The following DNAAF1 variants were observed in gnomAD, a reference collection of about 807,000 sequenced individuals.
DNAAF1 encodes the protein dynein assembly factor 1, axonemal.
DNAAF1 carries 65 observed loss-of-function variants against 71.1 expected under a neutral mutation model. The ratio of observed to expected loss-of-function variants is 0.91; its 90% CI spans 0.75 to 1.12. The LOEUF (loss-of-function observed/expected upper bound fraction) is 1.12. Among genes scored for constraint, DNAAF1 ranks in the 50% most tolerant of loss-of-function variants. DNAAF1 has a pLI of 0.00. For missense variants in DNAAF1, 1,178 were observed against 899.8 expected (o/e 1.31, Z -3.96); for synonymous variants, 414 against 354.6 (o/e 1.17, Z -1.88).
intron 1 of DNAAF1, 132 bp from the exon 2 acceptor site, chr16:84,148,875 C>A (rs573742521): frequency 9.4e-6 from 10 of 1,058,484 alleles, no homozygotes; most frequent in Non-Finnish European, 9.9e-6. Flanking sequence ...CAGGCCTGAG[C>A]CACCATACCC....
At chr16:84,159,620 A>T in intron 5 of DNAAF1, 55 bp from the exon 6 acceptor site, 1 of 1,561,236 alleles carries the variant, frequency 6.4e-7, no homozygotes, top group Non-Finnish European at 8.7e-7. Context: ...GCACATATAA[A>T]ATAATTCAAT....
At position 84,159,673 on chromosome 16, in the gene DNAAF1, A is replaced by T; in HGVS notation, c.742-2A>T. 6.2e-7 allele frequency: 1 copy of T among 1,610,454 alleles called. No homozygotes were observed. Among genetic ancestry groups the T allele is most frequent in the Non-Finnish European group, 8.5e-7 (1 of 1,177,904 alleles). On this transcript the variant is annotated splice_acceptor_variant, in intron 5 of 11. Coordinates refer to ENST00000378553, the MANE Select transcript of DNAAF1 (RefSeq NM_178452.6). LOFTEE classifies it high-confidence loss of function. ...ATTTTGGTTCTGCTTGTCTTCTTGC[A>T]GCGTGTACTGAATTTGATGGGAAAC... is the stretch of plus-strand genomic sequence containing the variant.
At chr16:84,155,819 C>G (rs1039397601) in intron 5 of DNAAF1, 70 bp downstream of exon 5, 45 of 1,570,792 alleles carry the variant, frequency 2.9e-5, no homozygotes, top group South Asian at 5.7e-5. Context: ...CATCAAATAT[C>G]AAGTCCTTTT....
At chr16:84,157,223 T>G (rs533986891) in intron 5 of DNAAF1, among the ~76,000 whole-genome samples, 1 of 152,214 alleles carries the variant, frequency 6.6e-6, no homozygotes, top group South Asian at 2.1e-4. Flanking sequence ...ATTTTTCATG[T>G]TCAAATTTTC....
intron 6 of DNAAF1, among the ~76,000 whole-genome samples, chr16:84,164,426 C>T (rs1448646570): frequency 6.6e-6 from 1 of 152,206 alleles, no homozygotes; most frequent in African/African-American, 2.4e-5. Context: ...ATCCCTCCTA[C>T]CTCCTCAGCC....
chr16:84,155,857 C>T, intron 5 of DNAAF1, 108 bp downstream of exon 5: 1 of 1,377,586 alleles, frequency 7.3e-7, no homozygotes. Context: ...TGCCTTCCTT[C>T]CCTTTTTCAC....
intron 2 of DNAAF1, among the ~76,000 whole-genome samples, chr16:84,149,809 G>C (rs922236432): frequency 2.0e-5 from 3 of 151,582 alleles, no homozygotes; most frequent in African/African-American, 4.9e-5. Context: ...TGGATCACCT[G>C]ACGTCAGGAG....
At chr16:84,165,401 A>C (rs900413845) in intron 6 of DNAAF1, among the ~76,000 whole-genome samples, 1 of 151,974 alleles carries the variant, frequency 6.6e-6, no homozygotes, top group Non-Finnish European at 1.5e-5. Flanking sequence ...GCCCAGGCTG[A>C]TCTCGAACTC....
intron 11 of DNAAF1, chr16:84,176,674 G>C (rs998294873): frequency 2.8e-6 from 1 of 354,680 alleles, no homozygotes; most frequent in African/African-American, 2.1e-5. Flanking sequence ...GGCTTTTGGA[G>C]GGGACCACCA....
intron 11 of DNAAF1, chr16:84,176,721 C>A: frequency 3.4e-6 from 1 of 293,230 alleles, no homozygotes; most frequent in South Asian, 3.4e-5. Flanking sequence ...AGCGAGGTGA[C>A]AGCCACACAA....
In DNAAF1 at chr16:84,145,315, C is replaced by G. The variant is rs2151196759; in HGVS notation, c.-126C>G. The G allele has an allele frequency of 6.7e-7, 1 of 1,490,644 alleles. No individual in the cohort carries two copies. The highest frequency in any genetic ancestry group is 9.0e-7 in the Non-Finnish European group (1 of 1,107,614). The allele number at this position is 1,490,644 out of a possible 1,614,324, so 92.3% of individuals were successfully genotyped here. On this transcript the variant is annotated 5_prime_UTR_variant, in exon 1 of 12. Coordinates refer to ENST00000378553, the MANE Select transcript of DNAAF1 (RefSeq NM_178452.6). ...CCGGGGAAGCGTTGGGCTGTAAAGA[C>G]TAGGGCGCCAGCGGCTGGCGAAGAA...
intron 10 of DNAAF1, 132 bp downstream of exon 10, chr16:84,174,854 TTTTTCTTTTC>T (rs544231465): frequency 2.5e-6 from 3 of 1,211,042 alleles, no homozygotes; most frequent in South Asian, 1.3e-5. Flanking sequence ...CCCCATATTC[TTTTTCTTTTC>T]TTTTCTTTTC....
At position 84,155,714 on chromosome 16, in the gene DNAAF1, G is replaced by A. The variant is rs189730104; in HGVS notation, c.706G>A (p.Glu236Lys). The change falls in exon 5 of 12, where the codon GAG becomes AAG. Residue 236 changes from glutamate to lysine, a missense_variant. Coordinates refer to ENST00000378553, the MANE Select transcript of DNAAF1 (RefSeq NM_178452.6). ...TTCGCACAACAAGCTGAGTGACCCG[G>A]AGATCCTGAGCATTCTGGAAAGCAT... The part of the protein sequence containing the change: ...DLSHNKLSDP[E>K]ILSILESMPD... The A allele has an allele frequency of 3.7e-6, 6 of 1,614,098 alleles. No homozygotes were observed. The highest frequency in any genetic ancestry group is 1.3e-5 in the African/African-American group (1 of 75,012).
rs1555523655 is a variant in DNAAF1 at position 84,163,873 on chromosome 16, T to TGGGG, written c.864-1909_864-1908insGGGG. Reference sequence around the variant, plus strand: ...AAATTAATAGACTTTTTTTTTTTTTTGTGGGGGACAGCGTTTTGCTCTGTC... The same window carrying TGGGG: ...AAATTAATAGACTTTTTTTTTTTTTTGGGGGTGGGGGACAGCGTTTTGCTCTGTC... On this transcript the variant is annotated intron_variant, in intron 6 of 11. Coordinates refer to ENST00000378553, the MANE Select transcript of DNAAF1 (RefSeq NM_178452.6). 4.9e-3 allele frequency among the ~76,000 whole-genome samples: 737 copies of TGGGG among 149,442 alleles called. 12 individuals are homozygous for TGGGG. Among genetic ancestry groups the TGGGG allele is most frequent in the East Asian group, 0.036 (180 of 5,044 alleles).
Position 84,159,760 on chromosome 16 carries a change from C to G in DNAAF1, c.827C>G (p.Thr276Arg). 2 of 1,613,986 alleles carry G rather than the reference C, an allele frequency of 1.2e-6. No homozygotes were observed. Among genetic ancestry groups the G allele is most frequent in the South Asian group, 1.1e-5 (1 of 91,082 alleles). Reference protein sequence around the residue: ...RTVTVRLKHLTYLDDRPVFPK... With the variant: ...RTVTVRLKHLRYLDDRPVFPK... ...GTCACTGTACGACTAAAGCACTTAA[C>G]ATACCTGGATGATAGACCAGTGTTT... Residue 276 changes from threonine to arginine, a missense_variant, in exon 6 of 12, where the codon ACA (threonine) becomes AGA (arginine). Thr to Arg is a moderately conservative substitution (Grantham distance 71). Coordinates refer to ENST00000378553, the MANE Select transcript of DNAAF1 (RefSeq NM_178452.6).
At position 84,169,094 on chromosome 16, in the gene DNAAF1, T is replaced by A. The variant is rs950675533; in HGVS notation, c.1031-765T>A. 1.2e-4 allele frequency among the ~76,000 whole-genome samples: 18 copies of A among 146,106 alleles called. No homozygotes were observed. In the East Asian group the frequency reaches 3.6e-3, roughly 29 times the overall value. ...CAAGGATACTTTTTTTTTTTTTTTT[T>A]TTTTTTTTTTTAGAGAGTCTCACTT... On this transcript the variant is annotated intron_variant, in intron 7 of 11. Coordinates refer to ENST00000378553, the MANE Select transcript of DNAAF1 (RefSeq NM_178452.6).
At position 84,165,859 on chromosome 16, in the gene DNAAF1, C is replaced by A; in HGVS notation, c.940C>A (p.Arg314=). ...EERQQWESRE[R]KKITDSIEAL... ...GAGACAGCAGTGGGAGAGCAGGGAGCGGAAGAAGATCACAGACAGCATTGA... is the reference window on the plus strand; with the variant it reads ...GAGACAGCAGTGGGAGAGCAGGGAGAGGAAGAAGATCACAGACAGCATTGA... Residue 314 remains arginine (R), a synonymous_variant, in exon 7 of 12, where the codon CGG becomes AGG. Coordinates refer to ENST00000378553, the MANE Select transcript of DNAAF1 (RefSeq NM_178452.6). The A allele has an allele frequency of 6.2e-7, 1 of 1,613,074 alleles. No individual in the cohort carries two copies. The highest frequency in any genetic ancestry group is 8.5e-7 in the Non-Finnish European group (1 of 1,179,870).
At chr16:84,165,153 C>G (rs2087909456) in intron 6 of DNAAF1, among the ~76,000 whole-genome samples, 2 of 152,134 alleles carry the variant, frequency 1.3e-5, no homozygotes, top group Admixed American at 6.6e-5. Flanking sequence ...TGGATCCAAG[C>G]CCTTTCCCAG....
rs147804813 is a variant in DNAAF1 at position 84,170,073 on chromosome 16, C to G, written c.1245C>G (p.Thr415=). 578 of 1,613,640 alleles carry G rather than the reference C, an allele frequency of 3.6e-4. 2 individuals carry two copies. In the African/African-American group the frequency reaches 6.8e-3, roughly 19 times the overall value. Residue 415 remains threonine (T), a synonymous_variant, in exon 8 of 12, where the codon ACC becomes ACG. Transcript: ENST00000378553. ...REDGGPEPEG[T]LPAETLLLSS... is the part of the protein sequence containing the mutation. ...ATGGAGGTCCAGAGCCAGAGGGGACCCTCCCAGCTGAGACCCTGCTACTGT... is the reference window on the plus strand; with the variant it reads ...ATGGAGGTCCAGAGCCAGAGGGGACGCTCCCAGCTGAGACCCTGCTACTGT...
Sources: gnomAD v4.1 joint callset for allele counts (sites outside exome capture counted in the v4.1 genomes callset) on GRCh38, gnomAD v4.1.1 for gene constraint, MANE v1.5 for transcripts, NCBI Gene and HGNC (gene_info 2026-07-23, HGNC 2026-07-21) for gene names.